TBC1D8: variants seen among roughly 807,000 people sequenced by gnomAD.
TBC1D8 encodes the protein TBC1 domain family member 8.
TBC1D8 carries 65 observed loss-of-function variants against 118.8 expected under a neutral mutation model. That is an observed-to-expected ratio of 0.55 (90% CI 0.45 to 0.67). The LOEUF (loss-of-function observed/expected upper bound fraction) is 0.67. Among genes scored for constraint, TBC1D8 ranks in the 30% least tolerant of loss-of-function variants. TBC1D8 has a pLI of 0.00. For missense variants in TBC1D8, 1,376 were observed against 1,471.2 expected (o/e 0.94, Z 1.06); for synonymous variants, 566 against 595.8 (o/e 0.95, Z 0.73).
intron 1 of TBC1D8, among the ~76,000 whole-genome samples, chr2:101,107,772 G>A (rs1376056729): frequency 2.6e-5 from 4 of 152,190 alleles, no homozygotes; most frequent in Admixed American, 6.5e-5. Context: ...AAAAAGTAAG[G>A]AATGCTAACC....
chr2:101,138,590 CG>C (rs1678960940), intron 1 of TBC1D8, among the ~76,000 whole-genome samples: 1 of 152,106 alleles, frequency 6.6e-6, no homozygotes, highest in South Asian at 2.1e-4. Flanking sequence ...GATAATTTGC[CG>C]GGATGGCTCA....
intron 1 of TBC1D8, among the ~76,000 whole-genome samples, chr2:101,134,211 A>T (rs1308051825): frequency 2.0e-5 from 3 of 150,358 alleles, no homozygotes; most frequent in African/African-American, 7.5e-5. Context: ...ACACACACAC[A>T]CACACACACA....
At position 101,090,380 on chromosome 2, in the gene TBC1D8, G is replaced by C; in HGVS notation, c.128-16C>G. 6.2e-7 allele frequency: 1 copy of C among 1,613,514 alleles called. No individual in the cohort carries two copies. Among genetic ancestry groups the C allele is most frequent in the Non-Finnish European group, 8.5e-7 (1 of 1,179,770 alleles). ...ACCAGGCGACCTTCAAAAGAAAAGA[G>C]AAGAAAGTGCACCTGTGAGCATGGG... On this transcript the variant is annotated splice_polypyrimidine_tract_variant and intron_variant, in intron 1 of 19. Transcript: ENST00000409318.
intron 19 of TBC1D8, among the ~76,000 whole-genome samples, chr2:101,009,011 A>G (rs1678968036): frequency 6.6e-5 from 10 of 152,192 alleles, no homozygotes; most frequent in Admixed American, 6.5e-4. Flanking sequence ...GTGTAATCTG[A>G]GACACTGCTG....
chr2:101,054,154 G>A lies in TBC1D8; in HGVS notation c.585C>T (p.Leu195=), dbSNP rs1558657848. The A allele has an allele frequency of 6.2e-7, 1 of 1,613,466 alleles. No homozygotes were observed. Among genetic ancestry groups the A allele is most frequent in the African/African-American group, 1.3e-5 (1 of 74,932 alleles). Residue 195 remains leucine, a synonymous_variant, in exon 4 of 20, where the codon CTC becomes CTT. Coordinates refer to ENST00000409318, the MANE Select transcript of TBC1D8 (RefSeq NM_001330348.2). ...GRVPRQGWLY[L]SINHLCFYSF... ...AGTAGAAGCAGAGGTGGTTGATGCT[G>A]AGGTACAGCCAGCCCTGGCGGGGCA...
chr2:101,126,326 C>T (rs1574067697), intron 1 of TBC1D8, among the ~76,000 whole-genome samples: 2 of 152,234 alleles, frequency 1.3e-5, no homozygotes. Flanking sequence ...AGGTGGGCAT[C>T]AAATTCCAAC....
chr2:101,071,077 T>C (rs1049201028), intron 2 of TBC1D8, among the ~76,000 whole-genome samples: 13 of 152,092 alleles, frequency 8.5e-5, no homozygotes, highest in Admixed American at 8.5e-4. Context: ...CGATGGCTCA[T>C]GCCTGTAATC....
At chr2:101,010,782 T>C (rs1679144394) in intron 19 of TBC1D8, 147 bp downstream of exon 19, 5 of 616,370 alleles carry the variant, frequency 8.1e-6, no homozygotes, top group Non-Finnish European at 1.4e-5. Context: ...CTCAGGAGGC[T>C]GAGGCAGGAG....
At chr2:101,018,367 T>A (rs1679811988) in intron 17 of TBC1D8, 1 of 157,964 alleles carries the variant, frequency 6.3e-6, no homozygotes, top group Non-Finnish European at 1.4e-5. Context: ...GTGCTTTTTT[T>A]TAAAAAGCCA....
At chr2:101,145,614 A>G (rs184273286) in intron 1 of TBC1D8, among the ~76,000 whole-genome samples, 6 of 152,324 alleles carry the variant, frequency 3.9e-5, no homozygotes, top group Admixed American at 3.9e-4. Context: ...CCTTCTGAGC[A>G]AGCCTTGTAA....
intron 5 of TBC1D8, among the ~76,000 whole-genome samples, chr2:101,043,749 G>A (rs367778196): frequency 5.2e-4 from 79 of 152,206 alleles, no homozygotes; most frequent in African/African-American, 1.8e-3. Flanking sequence ...AGACCAGCCT[G>A]GCCAACATGG....
chr2:101,106,483 G>C (rs953567259), intron 1 of TBC1D8, among the ~76,000 whole-genome samples: 2 of 152,312 alleles, frequency 1.3e-5, no homozygotes, highest in Non-Finnish European at 2.9e-5. Context: ...GGAAATAGGG[G>C]ACAGCCCTAA....
At chr2:101,062,494 A>T (rs1198392853) in intron 2 of TBC1D8, among the ~76,000 whole-genome samples, 3 of 152,156 alleles carry the variant, frequency 2.0e-5, no homozygotes, top group Middle Eastern at 3.2e-3. Context: ...ATGCTATCTC[A>T]CAGATCTGTG....
chr2:101,043,260 C>T (rs949944806), intron 5 of TBC1D8, among the ~76,000 whole-genome samples: 4 of 152,202 alleles, frequency 2.6e-5, no homozygotes, highest in Non-Finnish European at 5.9e-5. Context: ...GCACCATAAA[C>T]GCTCTACCAG....
At chr2:101,083,524 T>A (rs1331674686) in intron 2 of TBC1D8, among the ~76,000 whole-genome samples, 1 of 152,214 alleles carries the variant, frequency 6.6e-6, no homozygotes, top group Non-Finnish European at 1.5e-5. Flanking sequence ...TTAAAAATAA[T>A]AGGAATTCAT....
At chr2:101,036,708 T>G (rs940484363) in intron 8 of TBC1D8, among the ~76,000 whole-genome samples, 7 of 152,200 alleles carry the variant, frequency 4.6e-5, no homozygotes, top group African/African-American at 1.7e-4. Context: ...TCTAGGCAAC[T>G]GAAAATACTT....
At position 101,108,160 on chromosome 2, in the gene TBC1D8, G is replaced by A. The variant is rs146410408; in HGVS notation, c.128-17796C>T. On this transcript the variant is annotated intron_variant, in intron 1 of 19. Transcript: ENST00000409318. ...ATGAGAATGGCACTTTATCCCTGTG[G>A]TCTTCCTCTCCCAAAGCCAATCACC... is the stretch of plus-strand genomic sequence containing the variant. Among the ~76,000 whole-genome samples, 1,211 of 152,192 alleles carry A rather than the reference G, an allele frequency of 8.0e-3. 20 individuals carry two copies. Among genetic ancestry groups the A allele is most frequent in the African/African-American group, 0.027 (1,126 of 41,516 alleles).
At chr2:101,045,277 A>G (rs1203628073) in intron 5 of TBC1D8, among the ~76,000 whole-genome samples, 1 of 152,206 alleles carries the variant, frequency 6.6e-6, no homozygotes, top group Non-Finnish European at 1.5e-5. Context: ...ATTTCTCTGC[A>G]AATCCAGAGT....
intron 2 of TBC1D8, among the ~76,000 whole-genome samples, chr2:101,064,604 G>A (rs1682926338): frequency 6.6e-6 from 1 of 152,200 alleles, no homozygotes; most frequent in Non-Finnish European, 1.5e-5. Context: ...GAAAATGAAA[G>A]TCCAGTGAAT....
Sources: gnomAD v4.1 joint callset for allele counts (sites outside exome capture counted in the v4.1 genomes callset) on GRCh38, gnomAD v4.1.1 for gene constraint, MANE v1.5 for transcripts, NCBI Gene and HGNC (gene_info 2026-07-23, HGNC 2026-07-21) for gene names.